Variants in KDM6A observed in about 807,000 individuals in gnomAD.
The protein encoded by KDM6A is lysine demethylase 6A.
KDM6A carries 11 observed loss-of-function variants against 117.6 expected under a neutral mutation model. The ratio of observed to expected loss-of-function variants is 0.09; its 90% CI spans 0.06 to 0.15. KDM6A has a LOEUF of 0.15. Among genes scored for constraint, KDM6A ranks in the 10% least tolerant of loss-of-function variants. KDM6A has a pLI of 1.00. For synonymous variants in KDM6A, 384 were observed against 396.1 expected (o/e 0.97, Z 0.36); for missense variants, 799 against 1,077.3 (o/e 0.74, Z 3.62).
intron 17 of KDM6A, among the ~76,000 whole-genome samples, chrX:45,065,115 G>T (rs1036161098): frequency 3.6e-5 from 4 of 112,055 alleles, no homozygotes; most frequent in Admixed American, 9.4e-5. Flanking sequence ...TAAATCAGAA[G>T]GGCAGGGAAG....
chrX:44,961,539 G>A, intron 3 of KDM6A, 147 bp downstream of exon 3: 2 of 438,722 alleles, frequency 4.6e-6, no homozygotes, highest in Non-Finnish European at 7.9e-6. Flanking sequence ...GATGGAAATG[G>A]AAATCATCAA....
chrX:45,051,648 A>G, intron 8 of KDM6A, 61 bp from the exon 9 acceptor site: 2 of 628,125 alleles, frequency 3.2e-6, no homozygotes, highest in Non-Finnish European at 5.2e-6. Context: ...TTCTTAATAT[A>G]TGAAGTAGTT....
At chrX:45,026,785 C>G (rs1175420766) in intron 6 of KDM6A, among the ~76,000 whole-genome samples, 34 of 102,102 alleles carry the variant, frequency 3.3e-4, no homozygotes, top group Admixed American at 6.5e-4. Context: ...GAGCTGAGAT[C>G]GCACCATTGC....
chrX:44,950,083 C>CT (rs2037899513), intron 2 of KDM6A, among the ~76,000 whole-genome samples: 1 of 109,368 alleles, frequency 9.1e-6, no homozygotes, highest in African/African-American at 3.3e-5. Flanking sequence ...GTGGCGCGAT[C>CT]TCTGCTCACT....
At chrX:44,957,419 A>G (rs2038401894) in intron 2 of KDM6A, among the ~76,000 whole-genome samples, 1 of 112,521 alleles carries the variant, frequency 8.9e-6, no homozygotes, top group East Asian at 2.8e-4. Context: ...GAAAAAAATT[A>G]AATTAGTTAC....
At chrX:45,073,828 T>C (rs1383736102) in intron 18 of KDM6A, among the ~76,000 whole-genome samples, 2 of 112,048 alleles carry the variant, frequency 1.8e-5, no homozygotes, top group Non-Finnish European at 1.9e-5. Flanking sequence ...GTAGGTTGCC[T>C]GTTCACTCTG....
At chrX:44,986,419 G>A (rs1445307161) in intron 4 of KDM6A, among the ~76,000 whole-genome samples, 1 of 111,016 alleles carries the variant, frequency 9.0e-6, no homozygotes, top group Non-Finnish European at 1.9e-5. Context: ...CTTCAGTTCT[G>A]CTCTGATCTT....
At chrX:45,058,083 C>T (rs866840160) in intron 10 of KDM6A, among the ~76,000 whole-genome samples, 2 of 78,948 alleles carry the variant, frequency 2.5e-5, no homozygotes, top group East Asian at 5.0e-4. Flanking sequence ...TCTCCCCCCC[C>T]CCCCTTTTTT....
chrX:45,052,418 T>C (rs2043894470), intron 9 of KDM6A, among the ~76,000 whole-genome samples: 1 of 112,112 alleles, frequency 8.9e-6, no homozygotes, highest in Non-Finnish European at 1.9e-5. Flanking sequence ...ATTCTTAATT[T>C]TTAGCCAGCA....
At chrX:44,895,225 C>T (rs765686122) in intron 2 of KDM6A, among the ~76,000 whole-genome samples, 1 of 108,839 alleles carries the variant, frequency 9.2e-6, no homozygotes, top group Non-Finnish European at 1.9e-5. Context: ...CCTGCCTCAA[C>T]CTCCCAAGTA....
intron 2 of KDM6A, among the ~76,000 whole-genome samples, chrX:44,918,063 G>T (rs2035672028): frequency 9.0e-6 from 1 of 111,574 alleles, no homozygotes; most frequent in South Asian, 3.7e-4. Context: ...CAAGGGAAAG[G>T]TAATGGTAAA....
At chrX:45,072,876 T>TATATACATATATATAC (rs2044923462) in intron 18 of KDM6A, among the ~76,000 whole-genome samples, 1 of 107,106 alleles carries the variant, frequency 9.3e-6, no homozygotes, top group South Asian at 3.9e-4. Flanking sequence ...AATATATATA[T>TATATACATATATATAC]ATATACATAT....
At chrX:45,009,732 A>G (rs1190718804) in intron 4 of KDM6A, among the ~76,000 whole-genome samples, 1 of 111,816 alleles carries the variant, frequency 8.9e-6, no homozygotes, top group African/African-American at 3.3e-5. Flanking sequence ...TTAGGGCAAG[A>G]TGACTCTGAG....
At chrX:44,902,523 G>T (rs1351387981) in intron 2 of KDM6A, among the ~76,000 whole-genome samples, 1 of 109,189 alleles carries the variant, frequency 9.2e-6, no homozygotes, top group Non-Finnish European at 1.9e-5. Context: ...CGGAGTAGCT[G>T]GGATTACAGG....
At chrX:44,996,173 C>T (rs2040854340) in intron 4 of KDM6A, among the ~76,000 whole-genome samples, 1 of 110,600 alleles carries the variant, frequency 9.0e-6, no homozygotes, top group East Asian at 2.9e-4. Context: ...AACTCCTGGA[C>T]TCAAACAGTC....
At chrX:45,079,019 G>C in intron 20 of KDM6A, 127 bp from the exon 21 acceptor site, 1 of 586,315 alleles carries the variant, frequency 1.7e-6, no homozygotes, top group East Asian at 3.6e-5. Context: ...AGAGGCCCTA[G>C]TTTTTTATGG....
chrX:44,874,431 T>G (rs2146453838), intron 2 of KDM6A, among the ~76,000 whole-genome samples: 1 of 111,974 alleles, frequency 8.9e-6, no homozygotes, highest in East Asian at 2.8e-4. Context: ...CCAAATGTTT[T>G]AGGCTTTCTT....
chrX:44,893,991 G>A lies in KDM6A; in HGVS notation c.225+20004G>A, dbSNP rs1426967662. Among the ~76,000 whole-genome samples, 10 of 111,617 alleles carry A rather than the reference G, an allele frequency of 9.0e-5. No individual in the cohort carries two copies. The Admixed American group carries it at 9.6e-4, about 11-fold the overall frequency. ...GCATACCTAGAGTAAAACCCAATTG[G>A]TCATGGCATATACTTCTTTGTGTAC... is the stretch of plus-strand genomic sequence containing the variant. On this transcript the variant is annotated intron_variant, in intron 2 of 29. Transcript: ENST00000611820.
At chrX:45,108,171 A>G (rs745372222) in intron 28 of KDM6A, among the ~76,000 whole-genome samples, 19 of 111,710 alleles carry the variant, frequency 1.7e-4, no homozygotes, top group African/African-American at 6.2e-4. Context: ...ATCCTTGGAA[A>G]AAAGAGTATG....
Sources: allele counts gnomAD v4.1 joint callset (sites outside exome capture counted in the v4.1 genomes callset), GRCh38; gene constraint gnomAD v4.1.1; transcripts MANE v1.5; gene names NCBI Gene and HGNC (gene_info 2026-07-23, HGNC 2026-07-21).